KMT2E: variants seen among roughly 807,000 people sequenced by gnomAD.
The protein encoded by KMT2E is lysine methyltransferase 2E (inactive).
Under a neutral mutation model 184.6 loss-of-function variants are expected in KMT2E, and 30 were observed. The ratio of observed to expected loss-of-function variants is 0.16; its 90% CI spans 0.12 to 0.22. KMT2E has a LOEUF of 0.22. Among genes scored for constraint, KMT2E ranks in the 10% least tolerant of loss-of-function variants. The pLI is 1.00. For synonymous variants in KMT2E, 815 were observed against 776.5 expected, an observed-to-expected ratio of 1.05 and a Z score of -0.82; for missense variants, 2,023 against 2,237.4, an observed-to-expected ratio of 0.90 and a Z score of 1.93.
At position 105,096,681 on chromosome 7, in the gene KMT2E, A is replaced by G. The variant is rs943199957; in HGVS notation, c.1723-4744A>G. 9.2e-5 allele frequency among the ~76,000 whole-genome samples: 14 copies of G among 152,348 alleles called. No individual in the cohort carries two copies. In the South Asian group the frequency reaches 1.4e-3, roughly 16 times the overall value. On this transcript the variant is annotated intron_variant, in intron 15 of 26. Coordinates refer to ENST00000311117, the MANE Select transcript of KMT2E (RefSeq NM_182931.3). The stretch of plus-strand genomic sequence containing the variant: ...TGGTGGGCAAAAAAGTAGACCATCA[A>G]TAAATGAGCTAACTGAATGTTTATA...
At chr7:105,095,364 GA>G (rs1222982004) in intron 15 of KMT2E, among the ~76,000 whole-genome samples, 2 of 152,144 alleles carry the variant, frequency 1.3e-5, no homozygotes, top group East Asian at 3.8e-4. Flanking sequence ...AAGTTTCATG[GA>G]ATGTATTTTT....
chr7:105,105,420 A>G lies in KMT2E; in HGVS notation c.2197-19A>G, dbSNP rs139771344. The G allele has an allele frequency of 5.7e-4, 881 of 1,549,050 alleles. 1 individual carries two copies. The Middle Eastern group carries it at 6.1e-3, about 11-fold the overall frequency. On this transcript the variant is annotated intron_variant, in intron 17 of 26. Coordinates refer to ENST00000311117, the MANE Select transcript of KMT2E (RefSeq NM_182931.3). Reference sequence around the variant, plus strand: ...TTGGAATTACATATATAATGATCCAATTTTTTTCTTTTCTCTAGCACTTGG... The same window carrying G: ...TTGGAATTACATATATAATGATCCAGTTTTTTTCTTTTCTCTAGCACTTGG...
chr7:105,090,939 A>T (rs1010210026), intron 14 of KMT2E, among the ~76,000 whole-genome samples: 2 of 152,152 alleles, frequency 1.3e-5, no homozygotes, highest in Non-Finnish European at 2.9e-5. Context: ...TTATATGTTT[A>T]TGTTTTGGGA....
intron 17 of KMT2E, chr7:105,104,234 G>A (rs1327353932): frequency 2.0e-5 from 3 of 151,828 alleles, no homozygotes; most frequent in Non-Finnish European, 4.4e-5. Flanking sequence ...TATACTTCAG[G>A]GTCAGGTATA....
Position 105,113,297 on chromosome 7 carries a change from A to C in KMT2E, c.5541A>C (p.Thr1847=). 6.2e-7 allele frequency: 1 copy of C among 1,613,202 alleles called. No individual in the cohort carries two copies. The highest frequency in any genetic ancestry group is 1.7e-5 in the Admixed American group (1 of 60,020). ...IPIHRAQVPP[T]FQNNYHGSGW... ...TTCACAGAGCACAGGTGCCACCAAC[A>C]TTTCAAAACAATTACCATGGGTCAG... is the stretch of plus-strand genomic sequence containing the variant. Residue 1847 remains threonine, a synonymous_variant, in exon 27 of 27, where the codon ACA becomes ACC. Coordinates refer to ENST00000311117, the MANE Select transcript of KMT2E (RefSeq NM_182931.3).
At chr7:105,097,819 C>A (rs1019925459) in intron 15 of KMT2E, among the ~76,000 whole-genome samples, 1 of 152,162 alleles carries the variant, frequency 6.6e-6, no homozygotes, top group Non-Finnish European at 1.5e-5. Context: ...TAACGTGATA[C>A]GTGCTTGACA....
At chr7:105,111,068 A>C (rs916145592) in intron 26 of KMT2E, 200 bp downstream of exon 26, 5 of 555,416 alleles carry the variant, frequency 9.0e-6, no homozygotes, top group Non-Finnish European at 1.6e-5. Context: ...ACTCTGACCA[A>C]ACATTCAAGT....
At chr7:105,070,192 G>T (rs1356484971) in intron 6 of KMT2E, among the ~76,000 whole-genome samples, 1 of 151,554 alleles carries the variant, frequency 6.6e-6, no homozygotes, top group Admixed American at 6.6e-5. Flanking sequence ...CCCCTCTCTG[G>T]GTTAAATGCC....
At chr7:105,093,386 G>T (rs1046130701) in intron 15 of KMT2E, among the ~76,000 whole-genome samples, 1 of 151,914 alleles carries the variant, frequency 6.6e-6, no homozygotes, top group African/African-American at 2.4e-5. Context: ...GATGCCAGAA[G>T]AAAATTGGAT....
At chr7:105,081,822 T>C (rs1183022331) in intron 13 of KMT2E, 25 bp downstream of exon 13, 3 of 971,828 alleles carry the variant, frequency 3.1e-6, no homozygotes, top group Non-Finnish European at 4.7e-6. Flanking sequence ...ATAAATGTAA[T>C]CTGTTGTTTG....
intron 2 of KMT2E, among the ~76,000 whole-genome samples, 184 bp from the exon 3 acceptor site, chr7:105,040,655 T>C (rs999969846): frequency 3.3e-5 from 5 of 152,314 alleles, no homozygotes; most frequent in African/African-American, 9.6e-5. Flanking sequence ...CTCAGAAAGA[T>C]TGTGATTTAG....
At position 105,113,598 on chromosome 7, in the gene KMT2E, ATC is replaced by A; in HGVS notation, c.*267_*268del. On this transcript the variant is annotated 3_prime_UTR_variant, in exon 27 of 27. Coordinates refer to ENST00000311117, the MANE Select transcript of KMT2E (RefSeq NM_182931.3). ...TCTGATGCTGATTTGATGCTGTATG[ATC>A]TTTTTTTTTTTTTTAGTTAAATTCA... is the stretch of plus-strand genomic sequence containing the variant. The A allele has an allele frequency of 3.6e-6, 1 of 280,484 alleles. No homozygotes were observed. The highest frequency in any genetic ancestry group is 6.3e-6 in the Non-Finnish European group (1 of 157,784). 17.4% of individuals were successfully genotyped at this position (280,484 alleles called of 1,614,324 possible).
chr7:105,078,493 T>A lies in KMT2E; in HGVS notation c.1131-353T>A, dbSNP rs1386324054. Reference sequence around the variant, plus strand: ...TCTGAAGAGTAACAGATTATTGTCCTAAAATGTTGACTTTTGTTTGTTTGT... The same window carrying A: ...TCTGAAGAGTAACAGATTATTGTCCAAAAATGTTGACTTTTGTTTGTTTGT... On this transcript the variant is annotated intron_variant, in intron 11 of 26. Transcript: ENST00000311117. Among the ~76,000 whole-genome samples, 4 of 152,034 alleles carry A rather than the reference T, an allele frequency of 2.6e-5. No individual in the cohort carries two copies. The East Asian group carries it at 7.7e-4, about 29-fold the overall frequency.
intron 1 of KMT2E, among the ~76,000 whole-genome samples, chr7:105,021,917 A>C (rs918508993): frequency 6.6e-6 from 1 of 152,188 alleles, no homozygotes; most frequent in Admixed American, 6.5e-5. Context: ...AAATTTACTG[A>C]AAATTTACTT....
chr7:105,034,639 A>G (rs911257436), intron 1 of KMT2E, among the ~76,000 whole-genome samples: 2 of 152,122 alleles, frequency 1.3e-5, no homozygotes, highest in Non-Finnish European at 2.9e-5. Flanking sequence ...TTATGATCAC[A>G]TGTGTGGGTA....
Position 105,113,343 on chromosome 7 carries a change from C to T in KMT2E, c.*10C>T, listed in dbSNP as rs1433858955. On this transcript the variant is annotated 3_prime_UTR_variant, in exon 27 of 27. Transcript: ENST00000311117. Reference sequence around the variant, plus strand: ...GTCAGGGTGGCATTAAAATGGACTCCAAAAACATTTTTTTAAATGTTCTGT... The same window carrying T: ...GTCAGGGTGGCATTAAAATGGACTCTAAAAACATTTTTTTAAATGTTCTGT... 1 of 1,591,988 alleles carries T rather than the reference C, an allele frequency of 6.3e-7. No homozygotes were observed. Among genetic ancestry groups the T allele is most frequent in the Non-Finnish European group, 8.6e-7 (1 of 1,165,228 alleles).
chr7:105,113,303 A>C lies in KMT2E; in HGVS notation c.5547A>C (p.Gln1849His). The C allele has an allele frequency of 1.9e-6, 3 of 1,613,066 alleles. No homozygotes were observed. Among genetic ancestry groups the C allele is most frequent in the Non-Finnish European group, 2.5e-6 (3 of 1,179,148 alleles). Residue 1849 changes from glutamine to histidine, a missense_variant, in exon 27 of 27, where the codon CAA becomes CAC. Gln to His is a conservative substitution (Grantham distance 24, BLOSUM62 0). This residue lies in a region of KMT2E where 1,108 missense variants were observed against 1,050.9 expected (regional missense o/e 1.05). Transcript: ENST00000311117. ...GAGCACAGGTGCCACCAACATTTCA[A>C]AACAATTACCATGGGTCAGGGTGGC... ...IHRAQVPPTF[Q>H]NNYHGSGWH is the part of the protein sequence containing the mutation.
intron 3 of KMT2E, among the ~76,000 whole-genome samples, chr7:105,043,239 C>CTTTT (rs756242064): frequency 7.1e-6 from 1 of 140,266 alleles, no homozygotes; most frequent in Non-Finnish European, 1.6e-5. Context: ...TTCTTTTTTT[C>CTTTT]TTTTTTTTTT....
At chr7:105,040,189 A>T (rs1439841275) in intron 2 of KMT2E, among the ~76,000 whole-genome samples, 1 of 152,224 alleles carries the variant, frequency 6.6e-6, no homozygotes, top group Non-Finnish European at 1.5e-5. Context: ...TTACATACAG[A>T]TGCAAACAGT....
Sources: gnomAD v4.1 joint callset for allele counts (sites outside exome capture counted in the v4.1 genomes callset) on GRCh38, gnomAD v4.1.1 for gene constraint, gnomAD v4.1.1 regional missense constraint, MANE v1.5 for transcripts, NCBI Gene and HGNC (gene_info 2026-07-23, HGNC 2026-07-21) for gene names.